Variants in MAN1C1 observed in about 807,000 individuals in gnomAD.
The protein encoded by MAN1C1 is mannosyl-oligosaccharide 1,2-alpha-mannosidase IC.
MAN1C1 carries 49 observed loss-of-function variants against 71.5 expected under a neutral mutation model. The observed-to-expected ratio is 0.69, with a 90% CI of 0.54 to 0.87. The LOEUF (loss-of-function observed/expected upper bound fraction) is 0.87. MAN1C1 is among the 40% of genes least tolerant of loss of function. MAN1C1 has a pLI of 0.00. For missense variants in MAN1C1, 743 were observed against 835.0 expected (o/e 0.89, Z 1.36); for synonymous variants, 352 against 343.7 (o/e 1.02, Z -0.27).
intron 2 of MAN1C1, among the ~76,000 whole-genome samples, chr1:25,729,883 CAA>C (rs1248935214): frequency 6.6e-6 from 1 of 152,128 alleles, no homozygotes; most frequent in African/African-American, 2.4e-5. Context: ...TGCAGAGTGG[CAA>C]AGTCAAATTC....
intron 5 of MAN1C1, among the ~76,000 whole-genome samples, chr1:25,756,724 CG>C (rs1464775766): frequency 2.0e-5 from 3 of 152,126 alleles, no homozygotes; most frequent in Non-Finnish European, 4.4e-5. Context: ...CTGTCTCCGT[CG>C]TCTTCCGCCT....
chr1:25,713,113 A>G (rs886803042), intron 2 of MAN1C1, among the ~76,000 whole-genome samples: 2 of 152,072 alleles, frequency 1.3e-5, no homozygotes, highest in African/African-American at 4.8e-5. Context: ...CCATTTTCCC[A>G]TTACAGATGG....
chr1:25,751,935 G>A (rs1424059671), intron 4 of MAN1C1, among the ~76,000 whole-genome samples: 4 of 152,128 alleles, frequency 2.6e-5, no homozygotes, highest in Non-Finnish European at 5.9e-5. Flanking sequence ...TAGTCCTTGA[G>A]CTCACATGCA....
intron 1 of MAN1C1, among the ~76,000 whole-genome samples, chr1:25,660,518 G>T (rs1409501587): frequency 7.4e-6 from 1 of 134,924 alleles, no homozygotes; most frequent in African/African-American, 2.8e-5. Context: ...TCAGCCTCCC[G>T]AATAGCTGGG....
At chr1:25,662,531 G>A (rs527399155) in intron 1 of MAN1C1, among the ~76,000 whole-genome samples, 31 of 151,398 alleles carry the variant, frequency 2.0e-4, no homozygotes, top group African/African-American at 6.6e-4. Context: ...AACTATAAAC[G>A]TTCCTCCCCA....
rs1039635683 is a variant in MAN1C1, at chr1:25,737,326, G to A, written c.638-9342G>A. Among the ~76,000 whole-genome samples the A allele has an allele frequency of 1.1e-4, 16 of 152,336 alleles. No homozygotes were observed. The East Asian group carries it at 2.9e-3, about 28-fold the overall frequency. On this transcript the variant is annotated intron_variant, in intron 2 of 11. Transcript: ENST00000374332. ...CTCCAGCCAGCTGTGGCAGCAAAGCGTGGCATCTGCTCAGGAAGGGTGGAG... is the reference window on the plus strand; with the variant it reads ...CTCCAGCCAGCTGTGGCAGCAAAGCATGGCATCTGCTCAGGAAGGGTGGAG...
At position 25,618,203 on chromosome 1, in the gene MAN1C1, G is replaced by A; in HGVS notation, c.406G>A (p.Asp136Asn). The change falls in exon 1 of 12, where the codon GAC becomes AAC. Residue 136 changes from aspartate to asparagine, a missense_variant. Physicochemically the swap from Asp to Asn is conservative, Grantham distance 23. Transcript: ENST00000374332. ...GNSIPASRPG[D>N]EGVPFRFDFN... ...TAGCATCCCGGCCTCCAGGCCCGGG[G>A]ACGAGGGCGTCCCTTTCCGCTTTGA... The A allele has an allele frequency of 1.3e-6, 2 of 1,588,754 alleles. No individual in the cohort carries two copies. Among genetic ancestry groups the A allele is most frequent in the Non-Finnish European group, 1.7e-6 (2 of 1,171,538 alleles).
At chr1:25,666,791 G>A (rs190714513) in intron 1 of MAN1C1, among the ~76,000 whole-genome samples, 452 of 152,320 alleles carry the variant, frequency 3.0e-3, no homozygotes, top group Non-Finnish European at 4.5e-3. Flanking sequence ...AAAAGGGCCT[G>A]TCTCTGAGAT....
intron 5 of MAN1C1, among the ~76,000 whole-genome samples, chr1:25,756,579 C>T (rs1208312963): frequency 1.3e-5 from 2 of 152,220 alleles, no homozygotes; most frequent in African/African-American, 4.8e-5. Context: ...ACTGAGATCA[C>T]AAGCTGGAGA....
chr1:25,726,743 T>C (rs2124289935), intron 2 of MAN1C1, among the ~76,000 whole-genome samples: 1 of 152,198 alleles, frequency 6.6e-6, no homozygotes, highest in East Asian at 1.9e-4. Flanking sequence ...CACTGCAGTA[T>C]AATTATGAAG....
chr1:25,740,786 G>C (rs969749438), intron 2 of MAN1C1, among the ~76,000 whole-genome samples: 2 of 152,048 alleles, frequency 1.3e-5, no homozygotes, highest in African/African-American at 4.8e-5. Flanking sequence ...AGGACAGATG[G>C]GTGGATCGGG....
intron 7 of MAN1C1, among the ~76,000 whole-genome samples, chr1:25,767,904 ACACATTACACACTC>A (rs1192401645): frequency 1.2e-5 from 1 of 86,898 alleles, no homozygotes; most frequent in Non-Finnish European, 2.1e-5. Context: ...CCTCATACAC[ACACATTACACACTC>A]CCCCACACAG....
chr1:25,758,321 C>T (rs1362078181), intron 5 of MAN1C1, among the ~76,000 whole-genome samples: 1 of 152,156 alleles, frequency 6.6e-6, no homozygotes, highest in African/African-American at 2.4e-5. Context: ...TCTCGAGCTC[C>T]CAAGTCTTAC....
At chr1:25,676,692 G>A (rs922981753) in intron 1 of MAN1C1, among the ~76,000 whole-genome samples, 9 of 152,330 alleles carry the variant, frequency 5.9e-5, no homozygotes, top group South Asian at 4.1e-4. Context: ...AAGGCTGCAC[G>A]TCATGGTGTG....
rs2047601529 is a variant in MAN1C1, at chr1:25,775,083, G to A, written c.1258-3022G>A. Reference sequence around the variant, plus strand: ...ATGTGTGGGAGGCGGTCTGGAAGGTGCAGGTGCCAGGTCTGGTGCGCAGCA... The same window carrying A: ...ATGTGTGGGAGGCGGTCTGGAAGGTACAGGTGCCAGGTCTGGTGCGCAGCA... On this transcript the variant is annotated intron_variant, in intron 8 of 11. Coordinates refer to ENST00000374332, the MANE Select transcript of MAN1C1 (RefSeq NM_020379.4). This position sits in a 1 kb window ranked among gnomAD's most constrained non-coding sequence, Gnocchi z 5.1. Among the ~76,000 whole-genome samples the A allele has an allele frequency of 6.6e-6, 1 of 152,248 alleles. No homozygotes were observed. The highest frequency in any genetic ancestry group is 1.5e-5 in the Non-Finnish European group (1 of 68,042).
intron 1 of MAN1C1, among the ~76,000 whole-genome samples, chr1:25,665,627 G>T (rs2045911888): frequency 6.6e-6 from 1 of 152,008 alleles, no homozygotes; most frequent in African/African-American, 2.4e-5. Flanking sequence ...TTAGGTTTTT[G>T]ATGATTTCCC....
At chr1:25,714,572 G>T (rs1572169219) in intron 2 of MAN1C1, among the ~76,000 whole-genome samples, 1 of 145,114 alleles carries the variant, frequency 6.9e-6, no homozygotes, top group Non-Finnish European at 1.5e-5. Flanking sequence ...AAATGAGGTG[G>T]CTCAGAAAGC....
chr1:25,742,270 G>A (rs1156436558), intron 2 of MAN1C1, among the ~76,000 whole-genome samples: 2 of 152,210 alleles, frequency 1.3e-5, no homozygotes, highest in Non-Finnish European at 2.9e-5. Flanking sequence ...CAGTTCCTGA[G>A]CTTGGGGAGA....
At position 25,711,110 on chromosome 1, in the gene MAN1C1, T is replaced by C. The variant is rs2046607897; in HGVS notation, c.637+24574T>C. Among the ~76,000 whole-genome samples the C allele has an allele frequency of 6.6e-6, 1 of 152,208 alleles. No individual in the cohort carries two copies. The highest frequency in any genetic ancestry group is 1.5e-5 in the Non-Finnish European group (1 of 68,040). ...GGTTAGATGACTCAGCTCTGTTCCA[T>C]GTGGACCTGGACTTCTCTCATGGCA... On this transcript the variant is annotated intron_variant, in intron 2 of 11. Coordinates refer to ENST00000374332, the MANE Select transcript of MAN1C1 (RefSeq NM_020379.4). This position sits in a 1 kb window ranked among gnomAD's most constrained non-coding sequence, Gnocchi z 4.3.
Sources: allele counts gnomAD v4.1 joint callset (sites outside exome capture counted in the v4.1 genomes callset), GRCh38; gene constraint gnomAD v4.1.1; non-coding constraint Gnocchi (gnomAD v3.1); transcripts MANE v1.5; gene names NCBI Gene and HGNC (gene_info 2026-07-23, HGNC 2026-07-21).